Variants in AVPI1 observed in about 807,000 individuals in gnomAD.
The protein encoded by AVPI1 is arginine vasopressin-induced protein 1.
In AVPI1, 9 loss-of-function variants were observed where a neutral mutation model predicts 11.9. That is an observed-to-expected ratio of 0.76 (90% confidence interval 0.46 to 1.32). AVPI1 has a LOEUF of 1.32. Ranked by LOEUF, AVPI1 falls within the 40% of genes most tolerant of loss-of-function variation. The pLI is 0.00. For synonymous variants in AVPI1, 68 were observed against 78.1 expected, an observed-to-expected ratio of 0.87 and a Z score of 0.68; for missense variants, 207 against 195.8, an observed-to-expected ratio of 1.06 and a Z score of -0.34.
intron 1 of AVPI1, among the ~76,000 whole-genome samples, chr10:97,681,577 C>T (rs1297626948): frequency 6.8e-6 from 1 of 146,468 alleles, no homozygotes; most frequent in East Asian, 2.1e-4. Flanking sequence ...AGCAAAACTC[C>T]GTCTTAAAAA....
chr10:97,686,589 C>T (rs1379601949), intron 1 of AVPI1, among the ~76,000 whole-genome samples, 177 bp downstream of exon 1: 1 of 152,188 alleles, frequency 6.6e-6, no homozygotes, highest in Non-Finnish European at 1.5e-5. Flanking sequence ...TATTTTTGTT[C>T]CTGCCAGATG....
chr10:97,677,677 G>A lies in AVPI1; in HGVS notation c.*192C>T. 2.0e-5 allele frequency: 12 copies of A among 601,612 alleles called. No individual in the cohort carries two copies. In the South Asian group the frequency reaches 2.7e-4, roughly 13 times the overall value. The allele number at this position is 601,612 out of a possible 1,614,324, so 37.3% of individuals were successfully genotyped here. On this transcript the variant is annotated 3_prime_UTR_variant, in exon 3 of 3. Transcript: ENST00000370626. ...AGTCACTGTCTCTCCTCATTTTGGT[G>A]AGGAATGGGTCCCACATAATGGAGA...
chr10:97,678,862 TTTTTTTGGCGGGGGGAGG>T (rs1016554860), intron 2 of AVPI1, among the ~76,000 whole-genome samples: 2 of 146,712 alleles, frequency 1.4e-5, no homozygotes, highest in African/African-American at 5.1e-5. Flanking sequence ...TAATTTCTCT[TTTTTTTGGCGGGGGGAGG>T]GTGTGTGTGT....
At chr10:97,678,922 T>TTTTCAGAGACAG (rs1564779832) in intron 2 of AVPI1, among the ~76,000 whole-genome samples, 2 of 17,272 alleles carry the variant, frequency 1.2e-4, no homozygotes, top group East Asian at 2.0e-3. Context: ...TGTGTGTGTG[T>TTTTCAGAGACAG]GTGTGTGTGT....
intron 2 of AVPI1, among the ~76,000 whole-genome samples, chr10:97,678,936 T>TTTTCA (rs1564779853): frequency 3.5e-5 from 1 of 28,440 alleles, no homozygotes; most frequent in East Asian, 8.6e-4. Context: ...TGTGTGTGTG[T>TTTTCA]GTGTGTGTGT....
At chr10:97,679,350 G>C (rs1046725217) in intron 2 of AVPI1, among the ~76,000 whole-genome samples, 1 of 151,816 alleles carries the variant, frequency 6.6e-6, no homozygotes, top group African/African-American at 2.4e-5. Flanking sequence ...TCACCATGTT[G>C]GTCAGGCTGG....
intron 1 of AVPI1, among the ~76,000 whole-genome samples, chr10:97,686,003 C>T (rs2041726705): frequency 6.6e-6 from 1 of 152,150 alleles, no homozygotes; most frequent in South Asian, 2.1e-4. Context: ...TAGTATAAGG[C>T]CAGGCCTGGT....
chr10:97,685,932 C>G lies in AVPI1; in HGVS notation c.-11+834G>C, dbSNP rs114555652. The stretch of plus-strand genomic sequence containing the variant: ...AGAACCCTGAATTCTGGCTGTGCTG[C>G]TAACTGGGTGACCTTGGATAAGTCT... On this transcript the variant is annotated intron_variant, in intron 1 of 2. Coordinates refer to ENST00000370626, the MANE Select transcript of AVPI1 (RefSeq NM_021732.3). Among the ~76,000 whole-genome samples the G allele has an allele frequency of 7.3e-3, 1,110 of 152,144 alleles. 17 individuals carry two copies. Among genetic ancestry groups the G allele is most frequent in the African/African-American group, 0.021 (891 of 41,504 alleles).
intron 1 of AVPI1, among the ~76,000 whole-genome samples, chr10:97,684,068 C>T (rs2041717574): frequency 6.6e-6 from 1 of 152,172 alleles, no homozygotes; most frequent in African/African-American, 2.4e-5. Flanking sequence ...CAGTAGCTCC[C>T]TTTCTCCTCC....
chr10:97,678,177 C>G (rs2041676914), intron 2 of AVPI1, 152 bp from the exon 3 acceptor site: 2 of 859,560 alleles, frequency 2.3e-6, no homozygotes, highest in Non-Finnish European at 3.5e-6. Context: ...TGAGAACTGT[C>G]TGACTAGACA....
intron 1 of AVPI1, among the ~76,000 whole-genome samples, chr10:97,683,104 C>T (rs2135772525): frequency 6.6e-6 from 1 of 152,278 alleles, no homozygotes; most frequent in Admixed American, 6.5e-5. Flanking sequence ...AATATGAGTA[C>T]CAGTGGCTTA....
intron 1 of AVPI1, among the ~76,000 whole-genome samples, chr10:97,680,147 G>A (rs2041696865): frequency 6.6e-6 from 1 of 152,164 alleles, no homozygotes; most frequent in South Asian, 2.1e-4. Context: ...TTTTACCGAT[G>A]AAGAAGTGCA....
rs1197509830 is a variant in AVPI1, at chr10:97,679,671, G to C, written c.235C>G (p.Pro79Ala). The C allele has an allele frequency of 6.2e-7, 1 of 1,613,974 alleles. No homozygotes were observed. Among genetic ancestry groups the C allele is most frequent in the Non-Finnish European group, 8.5e-7 (1 of 1,179,958 alleles). ...EALKRLRRKR[P>A]PRQKPLGHSL... ...TGGCCCAGGGGTTTCTGCCTTGGGG[G>C]CCTCTTCCTGCGCAGCCTCTTGAGG... The change falls in exon 2 of 3, where the codon CCC (proline) becomes GCC (alanine). Residue 79 changes from proline (P) to alanine (A), a missense_variant. Transcript: ENST00000370626.
rs751963367 is a variant in AVPI1, at chr10:97,678,956, T to TCGCC, written c.287+662_287+663insGGCG. Among the ~76,000 whole-genome samples the TCGCC allele has an allele frequency of 1.1e-3, 64 of 60,230 alleles. 6 individuals are homozygous for TCGCC. The highest frequency in any genetic ancestry group is 7.3e-3 in the East Asian group (19 of 2,620). 39.5% of individuals were successfully genotyped at this position (60,230 alleles called of 152,430 possible). A position where few individuals can be genotyped will look rare whatever the true frequency, so the allele number is the denominator to read the frequency against. ...GTGTGTGTGTGTGTGTGTGTGTGTGTGTGTGTGTGTGTGTGTGTGTGTGTG... is the reference window on the plus strand; with the variant it reads ...GTGTGTGTGTGTGTGTGTGTGTGTGTCGCCGTGTGTGTGTGTGTGTGTGTGTGTG... On this transcript the variant is annotated intron_variant, in intron 2 of 2. Transcript: ENST00000370626.
chr10:97,681,880 G>A (rs1427032067), intron 1 of AVPI1, among the ~76,000 whole-genome samples: 5 of 122,198 alleles, frequency 4.1e-5, no homozygotes, highest in South Asian at 2.9e-4. Context: ...GCGAGACTCC[G>A]TCTCAAAAAA....
rs1271521443 is a variant in AVPI1 at position 97,677,880 on chromosome 10, TC to T, written c.432del (p.Ile145SerfsTer24). The T allele has an allele frequency of 1.9e-6, 3 of 1,614,048 alleles. No individual in the cohort carries two copies. The highest frequency in any genetic ancestry group is 1.7e-6 in the Non-Finnish European group (2 of 1,180,016). Reference protein sequence around the residue: ...RKSGPTSYLHQIRH With the variant: ...RKSGPTSYLHXIRH ...GCTCTTTCCCTGGATCAGTGTCTGA[TC>T]TGGTGGAGGTAGCTTGTGGGGCCTG... On this transcript the variant is annotated frameshift_variant, in exon 3 of 3. Coordinates refer to ENST00000370626, the MANE Select transcript of AVPI1 (RefSeq NM_021732.3). LOFTEE classifies it high-confidence loss of function.
At chr10:97,685,655 C>T (rs1008666556) in intron 1 of AVPI1, among the ~76,000 whole-genome samples, 1 of 152,212 alleles carries the variant, frequency 6.6e-6, no homozygotes, top group Non-Finnish European at 1.5e-5. Context: ...CCTATACAGA[C>T]ATGCCACTGG....
intron 1 of AVPI1, among the ~76,000 whole-genome samples, chr10:97,681,616 C>T (rs1195872119): frequency 6.6e-6 from 1 of 151,846 alleles, no homozygotes; most frequent in African/African-American, 2.4e-5. Context: ...CGGTGGCTCA[C>T]GCCTGTAATC....
intron 1 of AVPI1, among the ~76,000 whole-genome samples, chr10:97,682,245 ACAGGCCTGTGCTCC>A (rs1201539195): frequency 6.6e-6 from 1 of 152,074 alleles, no homozygotes; most frequent in Admixed American, 6.5e-5. Context: ...CCAGCTGATG[ACAGGCCTGTGCTCC>A]CACCCATCTC....
Sources: gnomAD v4.1 joint callset for allele counts (sites outside exome capture counted in the v4.1 genomes callset) on GRCh38, gnomAD v4.1.1 for gene constraint, MANE v1.5 for transcripts, NCBI Gene and HGNC (gene_info 2026-07-23, HGNC 2026-07-21) for gene names.